Variants in NALF1 observed in about 807,000 individuals in gnomAD.
NALF1 encodes family with sequence similarity 155 member A.
A neutral mutation model predicts 48.4 loss-of-function variants in NALF1; 3 were observed. The observed-to-expected ratio is 0.06, with a 90% CI of 0.03 to 0.16. NALF1 has a LOEUF of 0.16. Among genes scored for constraint, NALF1 ranks in the 10% least tolerant of loss-of-function variants. The pLI is 1.00. For missense variants in NALF1, 526 were observed against 571.5 expected, an observed-to-expected ratio of 0.92 and a Z score of 0.81; for synonymous variants, 262 against 245.7, an observed-to-expected ratio of 1.07 and a Z score of -0.62.
chr13:107,695,760 G>T (rs7983693), intron 1 of NALF1, among the ~76,000 whole-genome samples: 140,952 of 152,220 alleles, frequency 0.93, 65,872 homozygotes, highest in Non-Finnish European at 1. Flanking sequence ...TAACAAGGCT[G>T]ACACAATTAA....
Position 107,169,097 on chromosome 13 carries a change from G to A in NALF1, c.*1400C>T, listed in dbSNP as rs1178272178. The A allele has an allele frequency of 2.0e-5, 3 of 152,442 alleles. No individual in the cohort carries two copies. The highest frequency in any genetic ancestry group is 1.3e-4 in the Admixed American group (2 of 15,256). 9.4% of individuals were successfully genotyped at this position (152,442 alleles called of 1,614,324 possible). ...AAGCAAATTCATGTACACTCAGCAG[G>A]TGAAATGTTCCCACAAAGAAAATAA... On this transcript the variant is annotated 3_prime_UTR_variant, in exon 3 of 3. Transcript: ENST00000375915.
At chr13:107,624,269 T>G in intron 1 of NALF1, among the ~76,000 whole-genome samples, 1 of 152,142 alleles carries the variant, frequency 6.6e-6, no homozygotes, top group East Asian at 1.9e-4. Context: ...CACTGTGTGG[T>G]TTACATAAAG....
At chr13:107,257,920 A>G (rs1009007741) in intron 1 of NALF1, among the ~76,000 whole-genome samples, 1 of 152,350 alleles carries the variant, frequency 6.6e-6, no homozygotes, top group East Asian at 1.9e-4. Context: ...CTTCGCTAGA[A>G]GTATTTAGCA....
At chr13:107,811,068 T>G (rs1878975323) in intron 1 of NALF1, among the ~76,000 whole-genome samples, 1 of 152,170 alleles carries the variant, frequency 6.6e-6, no homozygotes, top group Non-Finnish European at 1.5e-5. Flanking sequence ...ACTACACCTT[T>G]ACTCAGAAAT....
intron 1 of NALF1, among the ~76,000 whole-genome samples, chr13:107,838,225 G>A (rs866532458): frequency 6.6e-6 from 1 of 151,844 alleles, no homozygotes; most frequent in African/African-American, 2.4e-5. Context: ...CAGCATCATC[G>A]GCACCTGGGG....
intron 1 of NALF1, among the ~76,000 whole-genome samples, chr13:107,301,665 T>G (rs1244340382): frequency 2.0e-5 from 3 of 152,238 alleles, no homozygotes; most frequent in African/African-American, 7.2e-5. Flanking sequence ...TGTAGTTATT[T>G]CCTTTAATTT....
intron 1 of NALF1, among the ~76,000 whole-genome samples, chr13:107,460,089 C>A (rs535973074): frequency 2.6e-5 from 4 of 152,282 alleles, no homozygotes; most frequent in African/African-American, 9.6e-5. Context: ...GAACTGAAGT[C>A]TTGTATTTTG....
intron 1 of NALF1, among the ~76,000 whole-genome samples, chr13:107,260,585 T>C (rs4772864): frequency 0.33 from 50,590 of 152,124 alleles, 9,039 homozygotes; most frequent in East Asian, 0.52. Flanking sequence ...TAATTTAACA[T>C]GGAAGCAGTG....
chr13:107,572,082 A>G (rs1405354375), intron 1 of NALF1, among the ~76,000 whole-genome samples: 1 of 152,234 alleles, frequency 6.6e-6, no homozygotes, highest in Non-Finnish European at 1.5e-5. Flanking sequence ...ACAAAAATCT[A>G]TAATTCACAT....
At chr13:107,277,474 TG>T (rs1178923083) in intron 1 of NALF1, among the ~76,000 whole-genome samples, 1 of 152,202 alleles carries the variant, frequency 6.6e-6, no homozygotes, top group Non-Finnish European at 1.5e-5. Context: ...TCCCTTTCCT[TG>T]GTCAAAATTT....
intron 1 of NALF1, among the ~76,000 whole-genome samples, chr13:107,522,336 C>T (rs187415882): frequency 1.3e-3 from 191 of 152,188 alleles, no homozygotes; most frequent in Admixed American, 2.4e-3. Context: ...ATATAGACGG[C>T]TCATCTTATA....
At chr13:107,517,876 C>G (rs764101638) in intron 1 of NALF1, among the ~76,000 whole-genome samples, 1 of 151,372 alleles carries the variant, frequency 6.6e-6, no homozygotes, top group Non-Finnish European at 1.5e-5. Context: ...CTCTTCAACC[C>G]GGGAGGTGGA....
At chr13:107,602,833 C>T (rs948879365) in intron 1 of NALF1, among the ~76,000 whole-genome samples, 1 of 152,190 alleles carries the variant, frequency 6.6e-6, no homozygotes, top group African/African-American at 2.4e-5. Flanking sequence ...AACAAAGACA[C>T]AGAATTCTCT....
chr13:107,816,334 A>G (rs2138611584), intron 1 of NALF1, among the ~76,000 whole-genome samples: 1 of 152,344 alleles, frequency 6.6e-6, no homozygotes, highest in Non-Finnish European at 1.5e-5. Context: ...GAAGAAAAAT[A>G]GGTTTAATGG....
intron 1 of NALF1, among the ~76,000 whole-genome samples, chr13:107,295,503 C>T (rs1249478716): frequency 6.6e-6 from 1 of 152,172 alleles, no homozygotes; most frequent in East Asian, 1.9e-4. Context: ...TCAGGTGCCT[C>T]CCCCTGCTCA....
intron 1 of NALF1, among the ~76,000 whole-genome samples, chr13:107,430,908 C>T (rs368429854): frequency 9.6e-4 from 146 of 152,228 alleles, no homozygotes; most frequent in African/African-American, 3.3e-3. Flanking sequence ...TAGTTTACAG[C>T]CCCACCAACA....
At chr13:107,233,025 C>T (rs1391123472) in intron 1 of NALF1, among the ~76,000 whole-genome samples, 2 of 152,172 alleles carry the variant, frequency 1.3e-5, no homozygotes, top group East Asian at 3.9e-4. Context: ...CTTCAGTCCC[C>T]ATATTCTTTT....
chr13:107,348,767 T>C (rs1042982801), intron 1 of NALF1, among the ~76,000 whole-genome samples: 4 of 152,236 alleles, frequency 2.6e-5, no homozygotes, highest in Admixed American at 2.6e-4. Flanking sequence ...AATATTTTAA[T>C]GGTTTTTATA....
intron 1 of NALF1, among the ~76,000 whole-genome samples, chr13:107,452,461 T>C (rs1884758014): frequency 6.6e-6 from 1 of 152,146 alleles, no homozygotes; most frequent in Non-Finnish European, 1.5e-5. Flanking sequence ...AATCACCTTA[T>C]AAAACCATCA....
Sources: allele counts gnomAD v4.1 joint callset (sites outside exome capture counted in the v4.1 genomes callset), GRCh38; gene constraint gnomAD v4.1.1; transcripts MANE v1.5; gene names NCBI Gene and HGNC (gene_info 2026-07-23, HGNC 2026-07-21).